The following MUCL1 variants were observed in gnomAD, a reference collection of about 807,000 sequenced individuals.
MUCL1 encodes the protein mucin-like protein 1.
Under a neutral mutation model 9.2 loss-of-function variants are expected in MUCL1, and 11 were observed. The observed-to-expected ratio is 1.19, with a 90% CI of 0.75 to 1.97. The LOEUF is 1.97. MUCL1 is among the 30% of genes most tolerant of loss of function. The probability of loss-of-function intolerance (pLI) is 0.00; values close to 1 mark genes in which losing one functional copy is unlikely to be tolerated. For missense variants in MUCL1, 144 were observed against 110.9 expected, an observed-to-expected ratio of 1.30 and a Z score of -1.34; for synonymous variants, 48 against 40.5, an observed-to-expected ratio of 1.19 and a Z score of -0.71.
chr12:54,831,893 TA>T (rs1171120461), intron 1 of MUCL1, among the ~76,000 whole-genome samples: 10 of 152,108 alleles, frequency 6.6e-5, no homozygotes, highest in African/African-American at 2.4e-4. Flanking sequence ...ATCTACCTCC[TA>T]ATTTTCTCTA....
At chr12:54,838,628 ATT>A (rs577991696), upstream of MUCL1, among the ~76,000 whole-genome samples, 1 of 150,628 alleles carries the variant, frequency 6.6e-6, no homozygotes, top group Admixed American at 6.6e-5. Flanking sequence ...CATTTCTTTT[ATT>A]TTTTTTCTTT....
chr12:54,857,060 G>A (rs1321085945), intron 3 of MUCL1, among the ~76,000 whole-genome samples, 168 bp downstream of exon 3: 1 of 152,014 alleles, frequency 6.6e-6, no homozygotes, highest in Non-Finnish European at 1.5e-5. Context: ...TATCAGAGGA[G>A]TCAGGAGGTT....
At chr12:54,836,821 C>A (rs1959193591), upstream of MUCL1, among the ~76,000 whole-genome samples, 4 of 152,118 alleles carry the variant, frequency 2.6e-5, no homozygotes, top group Admixed American at 2.6e-4. Flanking sequence ...GAATTTTCAT[C>A]TTGATTTCAT....
chr12:54,854,879 T>C (rs1017930701), intron 1 of MUCL1, among the ~76,000 whole-genome samples: 5 of 152,132 alleles, frequency 3.3e-5, no homozygotes, highest in East Asian at 1.9e-4. Flanking sequence ...GTTAGTAAAA[T>C]ATGTTCAAGA....
chr12:54,846,258 TCA>T (rs1309026549), intron 1 of MUCL1, among the ~76,000 whole-genome samples: 1 of 151,476 alleles, frequency 6.6e-6, no homozygotes, highest in Non-Finnish European at 1.5e-5. Context: ...GCTTCAGGAG[TCA>T]CAGACACCCA....
At chr12:54,852,228 G>T (rs1868255986), upstream of MUCL1, among the ~76,000 whole-genome samples, 1 of 152,122 alleles carries the variant, frequency 6.6e-6, no homozygotes, top group South Asian at 2.1e-4. Context: ...AACAAAGCTG[G>T]AGGCATCACA....
upstream of MUCL1, among the ~76,000 whole-genome samples, chr12:54,850,869 G>A (rs1383277710): frequency 2.6e-5 from 4 of 152,112 alleles, no homozygotes; most frequent in Admixed American, 2.6e-4. Flanking sequence ...GTGTGAGATG[G>A]TATCTCACTG....
At chr12:54,837,864 G>A (rs537172579), upstream of MUCL1, among the ~76,000 whole-genome samples, 6 of 152,186 alleles carry the variant, frequency 3.9e-5, no homozygotes, top group Admixed American at 6.5e-5. Context: ...TTTTTAATAC[G>A]TTCTGCCAAT....
chr12:54,836,038 T>C (rs1312596129), upstream of MUCL1, among the ~76,000 whole-genome samples: 1 of 152,156 alleles, frequency 6.6e-6, no homozygotes, highest in African/African-American at 2.4e-5. Flanking sequence ...TGGTCTGTAG[T>C]TTTCTTTTTT....
chr12:54,852,560 T>G (rs529024582), upstream of MUCL1, among the ~76,000 whole-genome samples: 31 of 152,270 alleles, frequency 2.0e-4, no homozygotes, highest in Admixed American at 2.0e-3. Context: ...GTATCACACT[T>G]TTCCTGTTTA....
chr12:54,846,635 G>T (rs1362689530), intron 1 of MUCL1, among the ~76,000 whole-genome samples: 3 of 152,108 alleles, frequency 2.0e-5, no homozygotes, highest in Non-Finnish European at 4.4e-5. Context: ...AGAAAGACTG[G>T]AAGTTCTTTT....
rs758547450 is a variant in MUCL1 at position 54,856,760 on chromosome 12, C to A, written c.101-10C>A. The A allele has an allele frequency of 1.2e-6, 2 of 1,603,968 alleles. No individual in the cohort carries two copies. Among genetic ancestry groups the A allele is most frequent in the Middle Eastern group, 1.7e-4 (1 of 6,046 alleles). On this transcript the variant is annotated splice_polypyrimidine_tract_variant and intron_variant, in intron 2 of 3. Coordinates refer to ENST00000308796, the MANE Select transcript of MUCL1 (RefSeq NM_058173.3). ...TCAGTCTCACCTAGAGCTTTTCCTT[C>A]TAATTTCAGCTGGTCCTGCTGATGA... is the stretch of plus-strand genomic sequence containing the variant.
chr12:54,843,075 T>C (rs886326710), intron 1 of MUCL1, among the ~76,000 whole-genome samples: 9 of 152,212 alleles, frequency 5.9e-5, no homozygotes, highest in African/African-American at 2.2e-4. Flanking sequence ...AGGTATGTAC[T>C]AGGTTATAAC....
intron 1 of MUCL1, among the ~76,000 whole-genome samples, chr12:54,831,111 C>A (rs1375999777): frequency 6.6e-6 from 1 of 152,062 alleles, no homozygotes; most frequent in Non-Finnish European, 1.5e-5. Flanking sequence ...TAACTTATGG[C>A]TAAACTTTGA....
upstream of MUCL1, among the ~76,000 whole-genome samples, chr12:54,849,842 G>A (rs575747072): frequency 2.0e-4 from 30 of 152,218 alleles, no homozygotes; most frequent in African/African-American, 7.2e-4. Context: ...ACAATTTGAA[G>A]CATTATAATA....
At chr12:54,837,303 G>A (rs746627954), upstream of MUCL1, among the ~76,000 whole-genome samples, 8 of 152,060 alleles carry the variant, frequency 5.3e-5, no homozygotes, top group Non-Finnish European at 7.4e-5. Context: ...ATGTTTTCTT[G>A]TTGGATTGAT....
upstream of MUCL1, among the ~76,000 whole-genome samples, chr12:54,851,865 AACAG>A (rs974294412): frequency 1.4e-4 from 21 of 152,234 alleles, no homozygotes; most frequent in African/African-American, 3.9e-4. Flanking sequence ...ATACACCAAT[AACAG>A]ACAGAGAGCC....
chr12:54,834,298 A>G (rs996694843), intron 1 of MUCL1, among the ~76,000 whole-genome samples: 4 of 152,010 alleles, frequency 2.6e-5, no homozygotes, highest in Non-Finnish European at 5.9e-5. Flanking sequence ...TTTTATATGA[A>G]TCTTGAATTT....
At chr12:54,858,001 G>C (rs1394826065) in intron 3 of MUCL1, among the ~76,000 whole-genome samples, 192 bp from the exon 4 acceptor site, 1 of 152,110 alleles carries the variant, frequency 6.6e-6, no homozygotes, top group African/African-American at 2.4e-5. Flanking sequence ...TTCCGTCTAA[G>C]GCTATATTTC....
Sources: gnomAD v4.1 joint callset for allele counts (sites outside exome capture counted in the v4.1 genomes callset) on GRCh38, gnomAD v4.1.1 for gene constraint, MANE v1.5 for transcripts, NCBI Gene and HGNC (gene_info 2026-07-23, HGNC 2026-07-21) for gene names.